Variants in FNDC3B observed in about 807,000 individuals in gnomAD.
FNDC3B encodes the protein fibronectin type III domain containing 3B, also known as fibronectin type III domain-containing protein 3B.
FNDC3B carries 12 observed loss-of-function variants against 151.5 expected under a neutral mutation model. The observed-to-expected ratio is 0.08, with a 90% CI of 0.05 to 0.13. The LOEUF (loss-of-function observed/expected upper bound fraction) is 0.13, where lower values mean the gene tolerates loss of function less well. FNDC3B is among the 10% of genes least tolerant of loss of function. The pLI is 1.00. For missense variants in FNDC3B, 1,214 were observed against 1,505.3 expected (o/e 0.81, Z 3.20); for synonymous variants, 528 against 549.0 (o/e 0.96, Z 0.54).
chr3:172,395,801 A>G (rs978973672), intron 25 of FNDC3B, among the ~76,000 whole-genome samples: 3 of 152,260 alleles, frequency 2.0e-5, no homozygotes, highest in Non-Finnish European at 4.4e-5. Flanking sequence ...AGAAGAAGGT[A>G]CATGAACAAC....
At chr3:172,371,234 T>C (rs1672010181) in intron 23 of FNDC3B, among the ~76,000 whole-genome samples, 4 of 152,302 alleles carry the variant, frequency 2.6e-5, no homozygotes, top group African/African-American at 4.8e-5. Flanking sequence ...AGTTTACTTA[T>C]GATACCTAAT....
At chr3:172,256,542 C>A (rs532877697) in intron 6 of FNDC3B, among the ~76,000 whole-genome samples, 3 of 152,270 alleles carry the variant, frequency 2.0e-5, no homozygotes, top group African/African-American at 7.2e-5. Context: ...CCTTTCACTG[C>A]AGAAGCTAAA....
intron 1 of FNDC3B, among the ~76,000 whole-genome samples, chr3:172,073,555 T>C (rs1481837875): frequency 6.6e-6 from 1 of 152,222 alleles, no homozygotes. Flanking sequence ...TAGAAAGTGA[T>C]TTGACTTCTC....
intron 2 of FNDC3B, among the ~76,000 whole-genome samples, chr3:172,126,273 G>A (rs1381821636): frequency 6.6e-6 from 1 of 152,114 alleles, no homozygotes; most frequent in Non-Finnish European, 1.5e-5. Flanking sequence ...GGAGGGGCGG[G>A]GCTGGCTGGA....
At chr3:172,389,689 C>T (rs1250069434) in intron 25 of FNDC3B, among the ~76,000 whole-genome samples, 1 of 151,972 alleles carries the variant, frequency 6.6e-6, no homozygotes, top group Non-Finnish European at 1.5e-5. Context: ...CACAGTGAAA[C>T]CCTGTCTCTA....
intron 2 of FNDC3B, among the ~76,000 whole-genome samples, chr3:172,121,084 G>A (rs896100717): frequency 2.6e-5 from 4 of 152,084 alleles, no homozygotes; most frequent in Non-Finnish European, 5.9e-5. Context: ...TGTCCTCTTC[G>A]GTGCCTACTC....
chr3:172,226,198 G>A (rs1217352765), intron 3 of FNDC3B, among the ~76,000 whole-genome samples: 2 of 151,524 alleles, frequency 1.3e-5, no homozygotes, highest in Non-Finnish European at 2.9e-5. Context: ...CCAGCTACTC[G>A]GGGGGCTGAG....
chr3:172,206,122 G>A (rs1725409593), intron 3 of FNDC3B, among the ~76,000 whole-genome samples: 1 of 152,190 alleles, frequency 6.6e-6, no homozygotes, highest in South Asian at 2.1e-4. Context: ...ATTGCCTAGT[G>A]TAAGTAGCTT....
At chr3:172,384,398 T>C (rs542882455) in intron 25 of FNDC3B, among the ~76,000 whole-genome samples, 1 of 152,218 alleles carries the variant, frequency 6.6e-6, no homozygotes, top group Non-Finnish European at 1.5e-5. Flanking sequence ...TGTTTCATTT[T>C]ACCAGAAAGA....
At chr3:172,215,521 C>T (rs921225209) in intron 3 of FNDC3B, among the ~76,000 whole-genome samples, 2 of 152,126 alleles carry the variant, frequency 1.3e-5, no homozygotes, top group African/African-American at 4.8e-5. Flanking sequence ...GTCAAGAGTT[C>T]GAGACCAGCC....
Position 172,378,359 on chromosome 3 carries a change from C to A in FNDC3B, c.3098C>A (p.Ala1033Glu). ...TGCTACTCCTTCAGAATCCAGGCAG[C>A]AAGCGAGGCTGGAGAAGGGCCCTTC... ...FTCYSFRIQA[A>E]SEAGEGPFSE... is the part of the protein sequence containing the mutation. The change falls in exon 24 of 26, where the codon GCA becomes GAA. Residue 1033 changes from alanine (A) to glutamate (E), a missense_variant. By Grantham distance (107) the Ala-to-Glu change is moderately radical (BLOSUM62 -1). Around this residue, in one of 7 missense-constraint regions of FNDC3B, gnomAD observed 284 missense variants for 392.4 expected, o/e 0.72. Transcript: ENST00000415807. 1 of 1,613,990 alleles carries A rather than the reference C, an allele frequency of 6.2e-7. No individual in the cohort carries two copies. Among genetic ancestry groups the A allele is most frequent in the Non-Finnish European group, 8.5e-7 (1 of 1,179,922 alleles).
At chr3:172,056,728 A>G (rs1229813312) in intron 1 of FNDC3B, among the ~76,000 whole-genome samples, 3 of 152,248 alleles carry the variant, frequency 2.0e-5, no homozygotes, top group Non-Finnish European at 4.4e-5. Flanking sequence ...GACTACAGAC[A>G]GATTTAATTG....
intron 18 of FNDC3B, 40 bp from the exon 19 acceptor site, chr3:172,344,046 C>A (rs960958054): frequency 6.4e-7 from 1 of 1,565,338 alleles, no homozygotes; most frequent in Non-Finnish European, 8.7e-7. Flanking sequence ...CAACTGGAAG[C>A]ACAAAGTGTT....
At chr3:172,231,946 T>C (rs1391275405) in intron 4 of FNDC3B, among the ~76,000 whole-genome samples, 1 of 148,252 alleles carries the variant, frequency 6.7e-6, no homozygotes, top group African/African-American at 2.5e-5. Context: ...AGTGGCATGA[T>C]CTTGGCTCAC....
At chr3:172,372,224 C>T (rs1734914852) in intron 23 of FNDC3B, among the ~76,000 whole-genome samples, 1 of 152,182 alleles carries the variant, frequency 6.6e-6, no homozygotes, top group South Asian at 2.1e-4. Context: ...TGTTACTGTG[C>T]TTGTCCTCTT....
chr3:172,093,768 G>A (rs1428276950), intron 1 of FNDC3B, among the ~76,000 whole-genome samples: 1 of 152,162 alleles, frequency 6.6e-6, no homozygotes, highest in African/African-American at 2.4e-5. Flanking sequence ...AGTGTACTAA[G>A]GAATCTTCTG....
chr3:172,272,370 G>T (rs62281839), intron 6 of FNDC3B, among the ~76,000 whole-genome samples: 3,413 of 152,202 alleles, frequency 0.022, 56 homozygotes, highest in South Asian at 0.052. Flanking sequence ...GCCAGAAACT[G>T]CCCTAAGATT....
At chr3:172,173,983 C>T (rs967147200) in intron 3 of FNDC3B, among the ~76,000 whole-genome samples, 3 of 152,156 alleles carry the variant, frequency 2.0e-5, no homozygotes, top group African/African-American at 7.2e-5. Flanking sequence ...GGAAAACTCT[C>T]GAGTTCGTCA....
intron 3 of FNDC3B, among the ~76,000 whole-genome samples, chr3:172,157,120 T>A (rs1300238260): frequency 6.6e-6 from 1 of 152,180 alleles, no homozygotes; most frequent in East Asian, 1.9e-4. Context: ...AGATGAGATC[T>A]GTTGTTATTT....
Sources: allele counts gnomAD v4.1 joint callset (sites outside exome capture counted in the v4.1 genomes callset), GRCh38; gene constraint gnomAD v4.1.1; regional missense constraint gnomAD v4.1.1; transcripts MANE v1.5; gene names NCBI Gene and HGNC (gene_info 2026-07-23, HGNC 2026-07-21).